The following ABCA4 variants were observed in gnomAD, a reference collection of about 807,000 sequenced individuals.
ABCA4 encodes the protein retinal-specific phospholipid-transporting ATPase ABCA4.
In ABCA4, 196 loss-of-function variants were observed where a neutral mutation model predicts 263.7. The ratio of observed to expected loss-of-function variants is 0.74; its 90% CI spans 0.66 to 0.84. The LOEUF (loss-of-function observed/expected upper bound fraction) is 0.84, where lower values mean the gene tolerates loss of function less well. ABCA4 is among the 40% of genes least tolerant of loss of function. The pLI, the probability that ABCA4 is intolerant of heterozygous loss-of-function variation, is 0.00. For missense variants in ABCA4, 2,792 were observed against 2,855.1 expected (o/e 0.98, Z 0.50); for synonymous variants, 1,133 against 1,094.2 (o/e 1.04, Z -0.70).
chr1:94,019,611 A>G lies in ABCA4; in HGVS notation c.5167T>C (p.Tyr1723His). The change falls in exon 36 of 50, where the codon TAC becomes CAC. Residue 1723 changes from tyrosine (Y) to histidine (H), a missense_variant. Physicochemically the swap from Tyr to His is moderately conservative, Grantham distance 83 (BLOSUM62 2). Transcript: ENST00000370225. The stretch of plus-strand genomic sequence containing the variant: ...TCCCAGAGGAAGTTGGTCACCCAGT[A>G]GGTGGTGGGGCTCACTCCACTGATA... ...QFISGVSPTT[Y>H]WVTNFLWDIM... 1 of 1,610,324 alleles carries G rather than the reference A, an allele frequency of 6.2e-7. No homozygotes were observed. The highest frequency in any genetic ancestry group is 8.5e-7 in the Non-Finnish European group (1 of 1,178,140).
chr1:94,051,406 G>C (rs1026690171), intron 17 of ABCA4, among the ~76,000 whole-genome samples: 4 of 152,244 alleles, frequency 2.6e-5, no homozygotes, highest in Admixed American at 2.6e-4. Flanking sequence ...AGGACCCAGG[G>C]CTTCATCCAT....
chr1:94,102,054 T>C (rs1176664306), intron 5 of ABCA4, among the ~76,000 whole-genome samples: 1 of 152,204 alleles, frequency 6.6e-6, no homozygotes, highest in East Asian at 1.9e-4. Flanking sequence ...TCTGACAATT[T>C]CTAGCCCTGT....
At chr1:94,022,064 C>A in intron 32 of ABCA4, 113 bp from the exon 33 acceptor site, 1 of 860,230 alleles carries the variant, frequency 1.2e-6, no homozygotes. Context: ...CCTGGACCAG[C>A]GAGCAACATG....
intron 24 of ABCA4, among the ~76,000 whole-genome samples, chr1:94,038,843 T>A (rs1660413722): frequency 6.6e-6 from 1 of 152,144 alleles, no homozygotes; most frequent in Admixed American, 6.6e-5. Context: ...GTGAAAAGAC[T>A]TTCAAGGAGC....
At chr1:94,006,063 G>C (rs1176896744) in intron 43 of ABCA4, among the ~76,000 whole-genome samples, 1 of 152,206 alleles carries the variant, frequency 6.6e-6, no homozygotes, top group Non-Finnish European at 1.5e-5. Flanking sequence ...GCAGGGAGCA[G>C]GGGTAGAGTG....
At chr1:94,068,683 C>T (rs1661334546) in intron 11 of ABCA4, among the ~76,000 whole-genome samples, 1 of 152,194 alleles carries the variant, frequency 6.6e-6, no homozygotes, top group Non-Finnish European at 1.5e-5. Flanking sequence ...TCTGCTTCTA[C>T]ACTAAGAGTA....
intron 6 of ABCA4, among the ~76,000 whole-genome samples, chr1:94,092,936 A>G (rs1662006650): frequency 6.6e-6 from 1 of 152,168 alleles, no homozygotes; most frequent in Non-Finnish European, 1.5e-5. Flanking sequence ...TTTCATTACT[A>G]TTTCATGAGC....
At chr1:94,008,662 C>T in intron 41 of ABCA4, 89 bp downstream of exon 41, 1 of 1,571,398 alleles carries the variant, frequency 6.4e-7, no homozygotes. Flanking sequence ...CTTGCATAAG[C>T]ATATCAATTG....
At chr1:94,099,812 C>T (rs997456869) in intron 5 of ABCA4, among the ~76,000 whole-genome samples, 4 of 152,220 alleles carry the variant, frequency 2.6e-5, no homozygotes, top group East Asian at 1.9e-4. Flanking sequence ...ATCTTGTCTG[C>T]AGGCCCTAAG....
chr1:94,004,396 G>A (rs576203761), intron 44 of ABCA4, among the ~76,000 whole-genome samples: 1 of 152,182 alleles, frequency 6.6e-6, no homozygotes, highest in African/African-American at 2.4e-5. Flanking sequence ...ATTTAATCCT[G>A]TAACACATCT....
intron 44 of ABCA4, among the ~76,000 whole-genome samples, chr1:94,002,520 C>T (rs940008203): frequency 1.3e-5 from 2 of 152,232 alleles, no homozygotes; most frequent in African/African-American, 2.4e-5. Flanking sequence ...TCAAAATAAA[C>T]AGAATACTGG....
At chr1:93,997,780 C>A (rs1659048586) in intron 48 of ABCA4, 81 bp downstream of exon 48, 4 of 1,579,774 alleles carry the variant, frequency 2.5e-6, no homozygotes, top group Non-Finnish European at 2.6e-6. Flanking sequence ...TGTTATGCCT[C>A]CCTCTTATGG....
chr1:94,071,073 G>A (rs1161610469), intron 11 of ABCA4, among the ~76,000 whole-genome samples: 1 of 152,196 alleles, frequency 6.6e-6, no homozygotes, highest in Non-Finnish European at 1.5e-5. Context: ...AATTGACAGT[G>A]CTTAGAGGAT....
chr1:94,016,814 CATAT>C lies in ABCA4; in HGVS notation c.5197-964_5197-961del, dbSNP rs1320923873. Among the ~76,000 whole-genome samples, 13 of 152,294 alleles carry C rather than the reference CATAT, an allele frequency of 8.5e-5. No individual in the cohort carries two copies. The East Asian group carries it at 2.5e-3, about 29-fold the overall frequency. Reference sequence around the variant, plus strand: ...CCAATGGTGCTCCAGAGGCAATGAACATATCTAGCACTCAGACCTTGGCTTCTGA... The same window carrying C: ...CCAATGGTGCTCCAGAGGCAATGAACCTAGCACTCAGACCTTGGCTTCTGA... On this transcript the variant is annotated intron_variant, in intron 36 of 49. Coordinates refer to ENST00000370225, the MANE Select transcript of ABCA4 (RefSeq NM_000350.3).
At chr1:94,082,943 T>G (rs1434866055) in intron 7 of ABCA4, among the ~76,000 whole-genome samples, 5 of 152,244 alleles carry the variant, frequency 3.3e-5, no homozygotes, top group Non-Finnish European at 5.9e-5. Flanking sequence ...GGTAAAACAC[T>G]TAGAAGAAGA....
chr1:94,032,012 G>A lies in ABCA4; in HGVS notation c.3894C>T (p.Asn1298=). Residue 1298 remains asparagine, a synonymous_variant, in exon 27 of 50, where the codon AAC becomes AAT. Coordinates refer to ENST00000370225, the MANE Select transcript of ABCA4 (RefSeq NM_000350.3). ...GGAQQKRENV[N]PRHPCLGPRE... is the part of the protein sequence containing the mutation. ...TGGGACCCAAGCAGGGGTGTCGGGG[G>A]TTGACGTTTTCTCTTTTCTGCTGAG... The A allele has an allele frequency of 6.2e-7, 1 of 1,613,386 alleles. No individual in the cohort carries two copies. The highest frequency in any genetic ancestry group is 8.5e-7 in the Non-Finnish European group (1 of 1,180,032).
At position 94,080,730 on chromosome 1, in the gene ABCA4, C is replaced by T. The variant is rs748979078; in HGVS notation, c.859-12G>A. The T allele has an allele frequency of 3.1e-6, 5 of 1,614,102 alleles. No individual in the cohort carries two copies. In the South Asian group the frequency reaches 5.5e-5, roughly 18 times the overall value. Reference sequence around the variant, plus strand: ...GGCCGATGGATAAACTAGGGCAAGGCAAAGTCTTCAGGTTATTTTAAGGCA... The same window carrying T: ...GGCCGATGGATAAACTAGGGCAAGGTAAAGTCTTCAGGTTATTTTAAGGCA... On this transcript the variant is annotated splice_polypyrimidine_tract_variant and intron_variant, in intron 7 of 49. Coordinates refer to ENST00000370225, the MANE Select transcript of ABCA4 (RefSeq NM_000350.3).
chr1:94,111,130 G>T (rs1662588474), intron 3 of ABCA4, among the ~76,000 whole-genome samples: 1 of 152,194 alleles, frequency 6.6e-6, no homozygotes, highest in South Asian at 2.1e-4. Context: ...ACCCAAGCAG[G>T]TCAATGACCA....
intron 17 of ABCA4, among the ~76,000 whole-genome samples, chr1:94,049,449 C>T (rs1660775401): frequency 3.3e-5 from 5 of 152,090 alleles, no homozygotes; most frequent in Admixed American, 3.3e-4. Context: ...CATGGTGAAA[C>T]CCCGTATCTA....
Sources: allele counts gnomAD v4.1 joint callset (sites outside exome capture counted in the v4.1 genomes callset), GRCh38; gene constraint gnomAD v4.1.1; transcripts MANE v1.5; gene names NCBI Gene and HGNC (gene_info 2026-07-23, HGNC 2026-07-21).